The following ATP8B4 variants were observed in gnomAD, a reference collection of about 807,000 sequenced individuals.
ATP8B4 encodes probable phospholipid-transporting ATPase IM.
In ATP8B4, 133 loss-of-function variants were observed where a neutral mutation model predicts 145.6. That is an observed-to-expected ratio of 0.91 (90% CI 0.79 to 1.05). The LOEUF is 1.05. ATP8B4 is among the 50% of genes least tolerant of loss of function. The probability of loss-of-function intolerance (pLI) is 0.00; values close to 1 mark genes in which losing one functional copy is unlikely to be tolerated. For missense variants in ATP8B4, 1,458 were observed against 1,425.2 expected (o/e 1.02, Z -0.37); for synonymous variants, 507 against 492.9 (o/e 1.03, Z -0.38).
intron 18 of ATP8B4, among the ~76,000 whole-genome samples, chr15:49,919,249 A>G (rs2040030935): frequency 6.6e-6 from 1 of 152,012 alleles, no homozygotes; most frequent in African/African-American, 2.4e-5. Context: ...GGACTTAAGA[A>G]CTCCCCAGCT....
At position 49,860,172 on chromosome 15, in the gene ATP8B4, C is replaced by T. The variant is rs2153366716; in HGVS notation, c.*22G>A. 1 of 1,586,190 alleles carries T rather than the reference C, an allele frequency of 6.3e-7. No individual in the cohort carries two copies. Among genetic ancestry groups the T allele is most frequent in the Non-Finnish European group, 8.6e-7 (1 of 1,165,808 alleles). Reference sequence around the variant, plus strand: ...TCCACCTGAAGTGAAAAGATAACTACGTGGTTTAAATTCATATTGACTCAC... The same window carrying T: ...TCCACCTGAAGTGAAAAGATAACTATGTGGTTTAAATTCATATTGACTCAC... On this transcript the variant is annotated 3_prime_UTR_variant, in exon 28 of 28. Transcript: ENST00000284509.
At chr15:50,168,533 C>T (rs1452051139) in intron 1 of ATP8B4, among the ~76,000 whole-genome samples, 2 of 151,986 alleles carry the variant, frequency 1.3e-5, no homozygotes, top group African/African-American at 4.8e-5. Flanking sequence ...CCTGGGAGCT[C>T]GCTGGGCCCT....
chr15:49,950,516 C>T (rs1286007893), intron 14 of ATP8B4, among the ~76,000 whole-genome samples: 2 of 147,862 alleles, frequency 1.4e-5, no homozygotes, highest in Admixed American at 6.8e-5. Context: ...TTCCCTTTAT[C>T]ATTTTTTATT....
At chr15:49,891,204 T>C (rs1282604023) in intron 23 of ATP8B4, among the ~76,000 whole-genome samples, 10 of 152,104 alleles carry the variant, frequency 6.6e-5, no homozygotes, top group African/African-American at 2.2e-4. Flanking sequence ...AAAATATTCA[T>C]ACACTTGCTT....
chr15:50,070,050 C>T (rs2053626352), intron 3 of ATP8B4, among the ~76,000 whole-genome samples: 1 of 152,114 alleles, frequency 6.6e-6, no homozygotes, highest in African/African-American at 2.4e-5. Flanking sequence ...AAGAGTATTT[C>T]GTGGACTAGT....
At chr15:50,056,485 T>C (rs987679348) in intron 3 of ATP8B4, among the ~76,000 whole-genome samples, 1 of 152,126 alleles carries the variant, frequency 6.6e-6, no homozygotes, top group Non-Finnish European at 1.5e-5. Flanking sequence ...TCAGGAAGCC[T>C]TCTTGCTTGA....
At chr15:50,168,737 G>A (rs1001408984) in intron 1 of ATP8B4, among the ~76,000 whole-genome samples, 1 of 152,158 alleles carries the variant, frequency 6.6e-6, no homozygotes, top group Non-Finnish European at 1.5e-5. Flanking sequence ...GGTCAGGGAA[G>A]GACTAAAGCC....
chr15:49,869,970 G>A (rs1277239531), intron 25 of ATP8B4, among the ~76,000 whole-genome samples: 2 of 152,106 alleles, frequency 1.3e-5, no homozygotes, highest in Non-Finnish European at 2.9e-5. Flanking sequence ...TCTTTATCCA[G>A]CAGATTGGTA....
At chr15:49,977,848 A>T (rs750352112) in intron 12 of ATP8B4, among the ~76,000 whole-genome samples, 5 of 152,154 alleles carry the variant, frequency 3.3e-5, no homozygotes, top group Middle Eastern at 3.2e-3. Context: ...TCAGAAATTA[A>T]TTCTTTTAAT....
At chr15:50,110,166 T>C (rs2056869722) in intron 1 of ATP8B4, among the ~76,000 whole-genome samples, 1 of 152,242 alleles carries the variant, frequency 6.6e-6, no homozygotes, top group Non-Finnish European at 1.5e-5. Context: ...AATATTTCTA[T>C]AAGATTTCCA....
intron 2 of ATP8B4, among the ~76,000 whole-genome samples, chr15:50,087,771 C>A (rs2055317957): frequency 6.6e-6 from 1 of 151,770 alleles, no homozygotes; most frequent in African/African-American, 2.4e-5. Flanking sequence ...TCTAAGCTAC[C>A]ATAATTCTTA....
rs371544368 is a variant in ATP8B4 at position 49,900,143 on chromosome 15, A to T, written c.2289+949T>A. 3.3e-5 allele frequency among the ~76,000 whole-genome samples: 5 copies of T among 152,324 alleles called. No individual in the cohort carries two copies. The East Asian group carries it at 7.7e-4, about 23-fold the overall frequency. On this transcript the variant is annotated intron_variant, in intron 21 of 27. Coordinates refer to ENST00000284509, the MANE Select transcript of ATP8B4 (RefSeq NM_024837.4). ...TCTGTGCATAAAGGAATTTTGTGTC[A>T]TGTGGACAAACTTTCAACTGAGTTT...
rs528270435 is a variant in ATP8B4 at position 49,872,828 on chromosome 15, A to C, written c.3027+3450T>G. Among the ~76,000 whole-genome samples the C allele has an allele frequency of 7.8e-4, 119 of 152,288 alleles. 4 individuals are homozygous for C. In the South Asian group the frequency reaches 0.024, roughly 31 times the overall value. Reference sequence around the variant, plus strand: ...TTGGATCCTAGAAGAGAAAAGGGTAATTAATGGAAAAACTGGAGAAATCTG... The same window carrying C: ...TTGGATCCTAGAAGAGAAAAGGGTACTTAATGGAAAAACTGGAGAAATCTG... On this transcript the variant is annotated intron_variant, in intron 25 of 27. Transcript: ENST00000284509.
chr15:50,143,738 A>G (rs1451627917), intron 1 of ATP8B4, among the ~76,000 whole-genome samples: 1 of 152,172 alleles, frequency 6.6e-6, no homozygotes, highest in Admixed American at 6.5e-5. Context: ...TTTCAAATGG[A>G]AACAGGGAGG....
chr15:49,972,516 TAATGGGG>T, intron 13 of ATP8B4, 59 bp downstream of exon 13: 1 of 1,495,186 alleles, frequency 6.7e-7, no homozygotes, highest in Non-Finnish European at 9.1e-7. Flanking sequence ...AATTTTTTTT[TAATGGGG>T]TCAGTTATTC....
At chr15:49,955,923 T>TA (rs946298470) in intron 14 of ATP8B4, among the ~76,000 whole-genome samples, 5 of 151,948 alleles carry the variant, frequency 3.3e-5, no homozygotes, top group African/African-American at 9.7e-5. Context: ...CATGCAACAT[T>TA]AAAAAAAATT....
intron 14 of ATP8B4, 103 bp downstream of exon 14, chr15:49,961,874 A>T: frequency 1.0e-6 from 1 of 983,104 alleles, no homozygotes; most frequent in Non-Finnish European, 1.5e-6. Context: ...TAAGTATCTC[A>T]TCTGGTCTTG....
At chr15:49,972,488 G>C in intron 13 of ATP8B4, 94 bp downstream of exon 13, 1 of 1,207,218 alleles carries the variant, frequency 8.3e-7, no homozygotes, top group Non-Finnish European at 1.2e-6. Flanking sequence ...GAAAGCCAGC[G>C]ACTGTTTTGG....
At chr15:49,870,094 T>C (rs962047040) in intron 25 of ATP8B4, among the ~76,000 whole-genome samples, 5 of 152,154 alleles carry the variant, frequency 3.3e-5, no homozygotes, top group African/African-American at 7.2e-5. Context: ...AAAAAACATA[T>C]AGAAACATCT....
Sources: gnomAD v4.1 joint callset for allele counts (sites outside exome capture counted in the v4.1 genomes callset) on GRCh38, gnomAD v4.1.1 for gene constraint, MANE v1.5 for transcripts, NCBI Gene and HGNC (gene_info 2026-07-23, HGNC 2026-07-21) for gene names.